The following PCDH15 variants were observed in gnomAD, a reference collection of about 807,000 sequenced individuals.
The protein encoded by PCDH15 is protocadherin-15.
In PCDH15, 129 loss-of-function variants were observed where a neutral mutation model predicts 178.5. The ratio of observed to expected loss-of-function variants is 0.72; its 90% CI spans 0.63 to 0.84. PCDH15 has a LOEUF of 0.84. Among genes scored for constraint, PCDH15 ranks in the 40% least tolerant of loss-of-function variants. PCDH15 has a pLI of 0.00. For missense variants in PCDH15, 2,230 were observed against 2,099.9 expected (o/e 1.06, Z -1.21); for synonymous variants, 800 against 732.0 (o/e 1.09, Z -1.50).
At chr10:53,925,775 A>G (rs1589451042) in intron 25 of PCDH15, among the ~76,000 whole-genome samples, 1 of 152,040 alleles carries the variant, frequency 6.6e-6, no homozygotes, top group African/African-American at 2.4e-5. Context: ...GATGTGTGCA[A>G]ATTAAGTTTT....
At chr10:55,448,046 T>C (rs191548897) in intron 2 of PCDH15, among the ~76,000 whole-genome samples, 119 of 152,118 alleles carry the variant, frequency 7.8e-4, no homozygotes, top group Middle Eastern at 6.8e-3. Flanking sequence ...TCTGTTTCAT[T>C]ATGAATTTTA....
Position 53,927,149 on chromosome 10 carries a change from A to AGTGTGTGTGT in PCDH15, c.3373+11656_3373+11665dup, listed in dbSNP as rs59045951. Among the ~76,000 whole-genome samples the AGTGTGTGTGT allele has an allele frequency of 3.9e-3, 590 of 149,796 alleles. 1 individual carries two copies. Among genetic ancestry groups the AGTGTGTGTGT allele is most frequent in the African/African-American group, 0.014 (569 of 40,932 alleles). ...GAAGTTTTGTTTATATGTAAATGCA[A>AGTGTGTGTGT]GTGTGTGTGTGTGTGTGTGTGTGAA... On this transcript the variant is annotated intron_variant, in intron 25 of 37. Transcript: ENST00000644397.
chr10:54,022,030 T>C (rs2135307007), intron 19 of PCDH15, among the ~76,000 whole-genome samples: 1 of 152,232 alleles, frequency 6.6e-6, no homozygotes, highest in Middle Eastern at 3.4e-3. Flanking sequence ...TAATGTTTAT[T>C]GCTGAGTTCA....
At chr10:54,362,031 C>T (rs1429876506) in intron 5 of PCDH15, among the ~76,000 whole-genome samples, 1 of 152,038 alleles carries the variant, frequency 6.6e-6, no homozygotes, top group Non-Finnish European at 1.5e-5. Context: ...AAACAATGAA[C>T]ACACAAAGTT....
chr10:54,850,832 T>A (rs1953606522), intron 3 of PCDH15, among the ~76,000 whole-genome samples: 2 of 152,110 alleles, frequency 1.3e-5, no homozygotes, highest in Admixed American at 1.3e-4. Flanking sequence ...ATATAAAACA[T>A]CTGAAAAATT....
intron 2 of PCDH15, among the ~76,000 whole-genome samples, chr10:54,539,345 A>G (rs2084936167): frequency 6.6e-6 from 1 of 152,208 alleles, no homozygotes; most frequent in South Asian, 2.1e-4. Flanking sequence ...TATCAAATAA[A>G]ACAGCTTTTA....
intron 3 of PCDH15, among the ~76,000 whole-genome samples, chr10:54,826,878 C>G (rs965776950): frequency 6.6e-6 from 1 of 152,028 alleles, no homozygotes. Context: ...AAAAATTGTT[C>G]CTAACATACT....
chr10:53,840,629 T>C (rs2077586548), intron 28 of PCDH15, 133 bp from the exon 29 acceptor site: 2 of 827,200 alleles, frequency 2.4e-6, no homozygotes, highest in Non-Finnish European at 2.0e-6. Context: ...GTTTACTGAA[T>C]ATAAACCCTT....
At chr10:55,610,622 T>A (rs1280104445) in intron 2 of PCDH15, among the ~76,000 whole-genome samples, 4 of 152,144 alleles carry the variant, frequency 2.6e-5, no homozygotes, top group East Asian at 3.8e-4. Flanking sequence ...AAGACGTTTC[T>A]GTTTTATATA....
At chr10:54,418,944 G>A (rs1206793839) in intron 3 of PCDH15, among the ~76,000 whole-genome samples, 1 of 151,864 alleles carries the variant, frequency 6.6e-6, no homozygotes, top group Non-Finnish European at 1.5e-5. Flanking sequence ...AAAAGTTGAG[G>A]AGTGGCAATA....
At chr10:54,129,535 T>C (rs1366992079) in intron 15 of PCDH15, among the ~76,000 whole-genome samples, 2 of 152,250 alleles carry the variant, frequency 1.3e-5, no homozygotes, top group African/African-American at 4.8e-5. Flanking sequence ...TTATTTGTTT[T>C]AAATCACTGA....
At chr10:54,551,870 T>C (rs1437433940) in intron 2 of PCDH15, among the ~76,000 whole-genome samples, 2 of 152,008 alleles carry the variant, frequency 1.3e-5, no homozygotes, top group Non-Finnish European at 2.9e-5. Flanking sequence ...AGCCCACAAA[T>C]GGAAATGAGA....
intron 2 of PCDH15, among the ~76,000 whole-genome samples, chr10:55,107,220 T>C (rs1232432870): frequency 6.6e-6 from 1 of 152,186 alleles, no homozygotes; most frequent in African/African-American, 2.4e-5. Context: ...ACCTTAGTTG[T>C]TAATTAAACC....
At chr10:55,401,479 TAATGC>T (rs1321936513) in intron 2 of PCDH15, among the ~76,000 whole-genome samples, 2 of 152,082 alleles carry the variant, frequency 1.3e-5, no homozygotes, top group Non-Finnish European at 2.9e-5. Context: ...ACTGTATTTG[TAATGC>T]AAAGGTCTGT....
intron 15 of PCDH15, among the ~76,000 whole-genome samples, chr10:54,095,654 T>A (rs963204741): frequency 1.3e-5 from 2 of 152,128 alleles, no homozygotes; most frequent in Non-Finnish European, 2.9e-5. Flanking sequence ...CATAGCAGAA[T>A]CACTGCTGGT....
chr10:55,070,298 CA>C (rs1354650391), intron 2 of PCDH15, among the ~76,000 whole-genome samples: 1 of 152,032 alleles, frequency 6.6e-6, no homozygotes, highest in African/African-American at 2.4e-5. Flanking sequence ...TCCCATTTGT[CA>C]ATTTTGGCTT....
At position 55,586,096 on chromosome 10, in the gene PCDH15, T is replaced by A. The variant is rs1340913476; in HGVS notation, c.-156+41529A>T. On this transcript the variant is annotated intron_variant, in intron 2 of 5. Coordinates refer to the PCDH15 transcript ENST00000613346. ...TGACAAATGTTCTCTATTTTCTAAG[T>A]CTTGGGCAAAAAGGGTCATTTCATT... is the stretch of plus-strand genomic sequence containing the variant. 2.0e-5 allele frequency among the ~76,000 whole-genome samples: 3 copies of A among 151,894 alleles called. No individual in the cohort carries two copies. In the East Asian group the frequency reaches 5.8e-4, roughly 29 times the overall value.
intron 13 of PCDH15, among the ~76,000 whole-genome samples, chr10:54,177,165 T>A (rs964195011): frequency 1.3e-5 from 2 of 152,034 alleles, no homozygotes; most frequent in African/African-American, 4.8e-5. Context: ...CTAAGTGAAA[T>A]AAGCCAGTCT....
intron 2 of PCDH15, among the ~76,000 whole-genome samples, chr10:55,452,573 T>C (rs1256592522): frequency 6.6e-6 from 1 of 152,192 alleles, no homozygotes; most frequent in African/African-American, 2.4e-5. Context: ...AAATGCATTT[T>C]TCTTATCAAT....
Sources: allele counts gnomAD v4.1 joint callset (sites outside exome capture counted in the v4.1 genomes callset), GRCh38; gene constraint gnomAD v4.1.1; transcripts MANE v1.5; gene names NCBI Gene and HGNC (gene_info 2026-07-23, HGNC 2026-07-21).